The following COL7A1 variants were observed in gnomAD, a reference collection of about 807,000 sequenced individuals.
The protein encoded by COL7A1 is collagen type VII alpha 1 chain.
COL7A1 carries 296 observed loss-of-function variants against 456.2 expected under a neutral mutation model. The observed-to-expected ratio is 0.65, with a 90% CI of 0.59 to 0.71. The LOEUF is 0.71. COL7A1 is among the 30% of genes least tolerant of loss of function. The pLI is 0.00. For synonymous variants in COL7A1, 1,464 were observed against 1,525.9 expected (o/e 0.96, Z 0.95); for missense variants, 3,441 against 4,017.2 (o/e 0.86, Z 3.88).
In COL7A1 at chr3:48,581,467, G is replaced by T; in HGVS notation, c.4799C>A (p.Thr1600Asn). The change falls in exon 51 of 119, where the codon ACT (threonine) becomes AAT (asparagine). Residue 1600 changes from threonine (T) to asparagine (N), a missense_variant. Physicochemically the swap from Thr to Asn is moderately conservative, Grantham distance 65 (BLOSUM62 0). Coordinates refer to ENST00000681320, the MANE Select transcript of COL7A1 (RefSeq NM_000094.4). The surrounding 1 kb of genome is among the most constrained non-coding windows in gnomAD (Gnocchi z 5.8). ...ACTCACTGGGGGTCCTGCTCTGCCA[G>T]TAAGGCCAATGGGACCCTGAAGGGG... ...DPGDRGPIGLTGRAGPPGDSG... is the reference protein window; with the variant it reads ...DPGDRGPIGLNGRAGPPGDSG... The T allele has an allele frequency of 6.2e-7, 1 of 1,614,104 alleles. No individual in the cohort carries two copies. Among genetic ancestry groups the T allele is most frequent in the Non-Finnish European group, 8.5e-7 (1 of 1,180,014 alleles).
At position 48,585,934 on chromosome 3, in the gene COL7A1, T is replaced by A. The variant is rs2045219409; in HGVS notation, c.3759+6A>T. 6.2e-7 allele frequency: 1 copy of A among 1,614,004 alleles called. No individual in the cohort carries two copies. The highest frequency in any genetic ancestry group is 1.3e-5 in the African/African-American group (1 of 74,928). On this transcript the variant is annotated splice_donor_region_variant and intron_variant, in intron 29 of 118. Coordinates refer to ENST00000681320, the MANE Select transcript of COL7A1 (RefSeq NM_000094.4). This position sits in a 1 kb window ranked among gnomAD's most constrained non-coding sequence, Gnocchi z 4.5. ...CTCTGTTCACCTCTCGATGAGGGAC[T>A]CTTACCTTTGGACAATACACTGGGC...
chr3:48,595,115 C>G lies in COL7A1; in HGVS notation c.45G>C (p.Leu15=). The change falls in exon 2 of 119, where the codon CTG becomes CTC. Residue 15 remains leucine (L), a synonymous_variant. Transcript: ENST00000681320. ...LLVAALCAGI[L]AEAPRVRAQH... is the part of the protein sequence containing the mutation. ...GGGCTCGCACTCGGGGCGCCTCTGC[C>G]AGGATCCCGGCGCAGAGCGCGGCCA... The G allele has an allele frequency of 6.4e-7, 1 of 1,555,414 alleles. No individual in the cohort carries two copies. Among genetic ancestry groups the G allele is most frequent in the Non-Finnish European group, 8.7e-7 (1 of 1,149,804 alleles).
At position 48,584,061 on chromosome 3, in the gene COL7A1, C is replaced by T. The variant is rs2107731142; in HGVS notation, c.4198G>A (p.Gly1400Ser). ...CGCTCCCCACGATCGCCTTTGTCACCCTAGAAAACAGATGACGACCCCATG... is the reference window on the plus strand; with the variant it reads ...CGCTCCCCACGATCGCCTTTGTCACTCTAGAAAACAGATGACGACCCCATG... ...PPGLPGTAMK[G>S]DKGDRGERGP... Residue 1400 changes from glycine (G) to serine (S), a missense_variant and splice_region_variant, in exon 38 of 119, where the codon GGT becomes AGT. Gly to Ser is a moderately conservative substitution (Grantham distance 56). Coordinates refer to ENST00000681320, the MANE Select transcript of COL7A1 (RefSeq NM_000094.4). 1.2e-6 allele frequency: 2 copies of T among 1,614,148 alleles called. No homozygotes were observed. The highest frequency in any genetic ancestry group is 1.7e-6 in the Non-Finnish European group (2 of 1,180,028).
Position 48,575,171 on chromosome 3 carries a change from C to T in COL7A1, c.6216+36G>A, listed in dbSNP as rs779008142. The stretch of plus-strand genomic sequence containing the variant: ...GGGGTGGCAGCCCCAGCACAGCCTC[C>T]AGACAGCCTGCCCCACGAAGCCCAT... On this transcript the variant is annotated intron_variant, in intron 75 of 118. Coordinates refer to ENST00000681320, the MANE Select transcript of COL7A1 (RefSeq NM_000094.4). The surrounding 1 kb of genome is among the most constrained non-coding windows in gnomAD (Gnocchi z 6.3). 5.0e-6 allele frequency: 8 copies of T among 1,614,028 alleles called. No individual in the cohort carries two copies. Among genetic ancestry groups the T allele is most frequent in the Middle Eastern group, 3.3e-4 (2 of 6,062 alleles).
Position 48,564,590 on chromosome 3 carries a change from C to T in COL7A1, c.8819-168G>A. On this transcript the variant is annotated intron_variant, in intron 118 of 118. Transcript: ENST00000681320. The surrounding 1 kb of genome is among the most constrained non-coding windows in gnomAD (Gnocchi z 6.0). ...TTAAAGGAGGGAACATGGAAGGGGA[C>T]CCTACTGGGGGCTCCACGGCTGGGG... 1 of 1,040,014 alleles carries T rather than the reference C, an allele frequency of 9.6e-7. No homozygotes were observed. The highest frequency in any genetic ancestry group is 1.4e-6 in the Non-Finnish European group (1 of 692,538). 64.4% of individuals were successfully genotyped at this position (1,040,014 alleles called of 1,614,324 possible).
Position 48,571,626 on chromosome 3 carries a change from G to T in COL7A1, c.7069-348C>A. The T allele has an allele frequency of 3.0e-6, 2 of 657,160 alleles. No individual in the cohort carries two copies. Among genetic ancestry groups the T allele is most frequent in the Non-Finnish European group, 5.8e-6 (2 of 346,366 alleles). The allele number at this position is 657,160 out of a possible 1,614,324, so 40.7% of individuals were successfully genotyped here. A position where few individuals can be genotyped will look rare whatever the true frequency, so the allele number is the denominator to read the frequency against. On this transcript the variant is annotated intron_variant, in intron 92 of 118. Transcript: ENST00000681320. This position sits in a 1 kb window ranked among gnomAD's most constrained non-coding sequence, Gnocchi z 4.6. ...ACACGTCCACTCCCGGGTAGAGCAG[G>T]CATGGCCACAGGCTGAACGCTGGCA...
Position 48,578,764 on chromosome 3 carries a change from T to G in COL7A1, c.5424+155A>C. 1 of 818,408 alleles carries G rather than the reference T, an allele frequency of 1.2e-6. No individual in the cohort carries two copies. The highest frequency in any genetic ancestry group is 1.9e-6 in the Non-Finnish European group (1 of 532,076). 50.7% of individuals were successfully genotyped at this position (818,408 alleles called of 1,614,324 possible). A position where few individuals can be genotyped will look rare whatever the true frequency, so the allele number is the denominator to read the frequency against. On this transcript the variant is annotated intron_variant, in intron 63 of 118. Coordinates refer to ENST00000681320, the MANE Select transcript of COL7A1 (RefSeq NM_000094.4). This position sits in a 1 kb window ranked among gnomAD's most constrained non-coding sequence, Gnocchi z 4.7. ...AGGCAAAGAAGGTCAGAAAGGGGGA[T>G]TCTACTAAAACCTGTGTGCCAGGGA...
chr3:48,584,587 C>T lies in COL7A1; in HGVS notation c.4048-31G>A, dbSNP rs760029115. 2.5e-6 allele frequency: 4 copies of T among 1,613,916 alleles called. No individual in the cohort carries two copies. The South Asian group carries it at 4.4e-5, about 18-fold the overall frequency. ...AGGACAGAGAGCAGTGGGCAGGATTCAGGCTATGGGGGCCTTGAGCTGGAA... is the reference window on the plus strand; with the variant it reads ...AGGACAGAGAGCAGTGGGCAGGATTTAGGCTATGGGGGCCTTGAGCTGGAA... On this transcript the variant is annotated intron_variant, in intron 35 of 118. Transcript: ENST00000681320.
Position 48,567,131 on chromosome 3 carries a change from C to T in COL7A1, c.8106G>A (p.Glu2702=), listed in dbSNP as rs758623851. The part of the protein sequence containing the change: ...GPKGDQGEKG[E]RGTPGIGGFP... ...CATGACCATGGCTTCAACTCACCCG[C>T]TCCCCTTTCTCGCCCTGGTCACCCT... Residue 2702 remains glutamate, a synonymous_variant, in exon 110 of 119, where the codon GAG becomes GAA. Transcript: ENST00000681320. The surrounding 1 kb of genome is among the most constrained non-coding windows in gnomAD (Gnocchi z 4.3). 6.8e-6 allele frequency: 11 copies of T among 1,614,070 alleles called. 1 individual carries two copies. The South Asian group carries it at 1.2e-4, about 18-fold the overall frequency.
Position 48,572,706 on chromosome 3 carries a change from T to G in COL7A1, c.6865A>C (p.Lys2289Gln). Reference sequence around the variant, plus strand: ...GCCCCCGTGGGGCCAGGTTCTCCTTTAGGTCCGACAGGGCCAGGCAGACCT... The same window carrying G: ...GCCCCCGTGGGGCCAGGTTCTCCTTGAGGTCCGACAGGGCCAGGCAGACCT... Reference protein sequence around the residue: ...SPGLPGPVGPKGEPGPTGAPG... With the variant: ...SPGLPGPVGPQGEPGPTGAPG... Residue 2289 changes from lysine to glutamine, a missense_variant, in exon 88 of 119, where the codon AAA (lysine) becomes CAA (glutamine). This residue lies in a region of COL7A1 where 2,084 missense variants were observed against 2,501.3 expected (regional missense o/e 0.83). Transcript: ENST00000681320. The surrounding 1 kb of genome is among the most constrained non-coding windows in gnomAD (Gnocchi z 4.6). The G allele has an allele frequency of 6.2e-7, 1 of 1,608,718 alleles. No homozygotes were observed. The highest frequency in any genetic ancestry group is 8.5e-7 in the Non-Finnish European group (1 of 1,177,552).
At position 48,583,279 on chromosome 3, in the gene COL7A1, C is replaced by T; in HGVS notation, c.4438-108G>A. The T allele has an allele frequency of 6.2e-7, 1 of 1,605,426 alleles. No individual in the cohort carries two copies. Among genetic ancestry groups the T allele is most frequent in the Non-Finnish European group, 8.5e-7 (1 of 1,174,390 alleles). Reference sequence around the variant, plus strand: ...CAAACTCCAACCACCCCCTCCAAAACCACGACCTCTGACCTGGAGGGAACT... The same window carrying T: ...CAAACTCCAACCACCCCCTCCAAAATCACGACCTCTGACCTGGAGGGAACT... On this transcript the variant is annotated intron_variant, in intron 42 of 118. Transcript: ENST00000681320. This position sits in a 1 kb window ranked among gnomAD's most constrained non-coding sequence, Gnocchi z 5.1.
rs754534739 is a variant in COL7A1 at position 48,590,858 on chromosome 3, GAC to G, written c.1637-44_1637-43del. 8 of 1,594,598 alleles carry G rather than the reference GAC, an allele frequency of 5.0e-6. No homozygotes were observed. The highest frequency in any genetic ancestry group is 6.8e-6 in the Non-Finnish European group (8 of 1,172,502). On this transcript the variant is annotated intron_variant, in intron 13 of 118. Coordinates refer to ENST00000681320, the MANE Select transcript of COL7A1 (RefSeq NM_000094.4). The surrounding 1 kb of genome is among the most constrained non-coding windows in gnomAD (Gnocchi z 4.6). ...GGTAGGTGGGCAGGGGTCAGAAAGA[GAC>G]AGGGATGTGGGACGATGGCAGTGAT... is the stretch of plus-strand genomic sequence containing the variant.
In COL7A1 at chr3:48,573,892, T is replaced by C. The variant is rs773265287; in HGVS notation, c.6502-2A>G. 1 of 1,613,408 alleles carries C rather than the reference T, an allele frequency of 6.2e-7. No homozygotes were observed. Among genetic ancestry groups the C allele is most frequent in the Non-Finnish European group, 8.5e-7 (1 of 1,179,952 alleles). On this transcript the variant is annotated splice_acceptor_variant, in intron 80 of 118. Coordinates refer to ENST00000681320, the MANE Select transcript of COL7A1 (RefSeq NM_000094.4). LOFTEE classifies it high-confidence loss of function. The surrounding 1 kb of genome is among the most constrained non-coding windows in gnomAD (Gnocchi z 5.5). ...GGGGCCTCTTGGACCCTGCAGACCC[T>C]ACATAGAGAGGGCACTGATGAGCCT...
In COL7A1 at chr3:48,578,446, G is replaced by T; in HGVS notation, c.5487+7C>A. ...GAAAAGGGGGTAACATGAAAGTCTG[G>T]TCTCACCGGTAATCCAGGGGGACCA... On this transcript the variant is annotated splice_region_variant and intron_variant, in intron 64 of 118. Coordinates refer to ENST00000681320, the MANE Select transcript of COL7A1 (RefSeq NM_000094.4). The surrounding 1 kb of genome is among the most constrained non-coding windows in gnomAD (Gnocchi z 4.7). 6.2e-7 allele frequency: 1 copy of T among 1,613,322 alleles called. No homozygotes were observed. Among genetic ancestry groups the T allele is most frequent in the African/African-American group, 1.3e-5 (1 of 75,018 alleles).
Position 48,570,741 on chromosome 3 carries a change from G to A in COL7A1, c.7273-31C>T. On this transcript the variant is annotated intron_variant, in intron 95 of 118. Transcript: ENST00000681320. The surrounding 1 kb of genome is among the most constrained non-coding windows in gnomAD (Gnocchi z 5.5). Reference sequence around the variant, plus strand: ...AGAAAAATGGGGCAAGAGAGGCAGAGAGTGACTTGGGAACCCTCCTACCCT... The same window carrying A: ...AGAAAAATGGGGCAAGAGAGGCAGAAAGTGACTTGGGAACCCTCCTACCCT... 6.4e-7 allele frequency: 1 copy of A among 1,561,564 alleles called. No homozygotes were observed. The highest frequency in any genetic ancestry group is 1.4e-5 in the African/African-American group (1 of 73,570).
At position 48,584,287 on chromosome 3, in the gene COL7A1, G is replaced by A. The variant is rs1171728894; in HGVS notation, c.4197+11C>T. On this transcript the variant is annotated intron_variant, in intron 37 of 118. Coordinates refer to ENST00000681320, the MANE Select transcript of COL7A1 (RefSeq NM_000094.4). ...GGTCTCTGCATCACATGGCACTCAT[G>A]AGGCTGTCACCTTCATGGCTGTTCC... is the stretch of plus-strand genomic sequence containing the variant. 1.9e-6 allele frequency: 3 copies of A among 1,602,494 alleles called. No homozygotes were observed. The highest frequency in any genetic ancestry group is 4.5e-5 in the East Asian group (2 of 44,112).
In COL7A1 at chr3:48,564,892, G is replaced by A. The variant is rs140781372; in HGVS notation, c.8709C>T (p.Ala2903=). The change falls in exon 118 of 119, where the codon GCC becomes GCT. Residue 2903 remains alanine, a synonymous_variant. Transcript: ENST00000681320. This position sits in a 1 kb window ranked among gnomAD's most constrained non-coding sequence, Gnocchi z 6.0. ...AGCCACCATAGACAAAAGGGTGACA[G>A]GCCTCTGTGCTGCCTGTCACAGCCC... The part of the protein sequence containing the change: ...YHRAVTGSTE[A]CHPFVYGGCG... 21 of 1,614,200 alleles carry A rather than the reference G, an allele frequency of 1.3e-5. No individual in the cohort carries two copies. The Middle Eastern group carries it at 4.9e-4, about 38-fold the overall frequency.
rs2043933300 is a variant in COL7A1 at position 48,571,731 on chromosome 3, G to C, written c.7068+270C>G. ...AGAACTCAGGTGTGTCCTGGGATCT[G>C]GGAGATCAGACCAGAGCACACGTGT... On this transcript the variant is annotated intron_variant, in intron 92 of 118. Transcript: ENST00000681320. This position sits in a 1 kb window ranked among gnomAD's most constrained non-coding sequence, Gnocchi z 4.6. The C allele has an allele frequency of 4.7e-6, 3 of 637,588 alleles. No homozygotes were observed. In the Admixed American group the frequency reaches 6.7e-5, roughly 14 times the overall value. The allele number at this position is 637,588 out of a possible 1,614,324, so 39.5% of individuals were successfully genotyped here. A position where few individuals can be genotyped will look rare whatever the true frequency, so the allele number is the denominator to read the frequency against.
In COL7A1 at chr3:48,580,929, G is replaced by A. The variant is rs1381799351; in HGVS notation, c.4936-3C>T. ...TTTCCAGGCAAACCCGGGTCACCCT[G>A]GTGATAGAGAGAAAAGTCATACTGC... On this transcript the variant is annotated splice_region_variant and splice_polypyrimidine_tract_variant and intron_variant, in intron 53 of 118. Transcript: ENST00000681320. The surrounding 1 kb of genome is among the most constrained non-coding windows in gnomAD (Gnocchi z 4.5). 1 of 1,613,950 alleles carries A rather than the reference G, an allele frequency of 6.2e-7. No homozygotes were observed. The highest frequency in any genetic ancestry group is 1.3e-5 in the African/African-American group (1 of 74,900).
Sources: gnomAD v4.1 joint callset for allele counts on GRCh38, gnomAD v4.1.1 for gene constraint, gnomAD v4.1.1 regional missense constraint, Gnocchi (gnomAD v3.1) non-coding constraint, MANE v1.5 for transcripts, NCBI Gene and HGNC (gene_info 2026-07-23, HGNC 2026-07-21) for gene names.